The following BRWD3 variants were observed in gnomAD, a reference collection of about 807,000 sequenced individuals.
The protein encoded by BRWD3 is bromodomain and WD repeat-containing protein 3.
In BRWD3, 10 loss-of-function variants were observed where a neutral mutation model predicts 149.7. That is an observed-to-expected ratio of 0.07 (90% confidence interval 0.04 to 0.11). The LOEUF is 0.11. Ranked by LOEUF, BRWD3 falls within the 10% of genes least tolerant of loss-of-function variation. The pLI, the probability that BRWD3 is intolerant of heterozygous loss-of-function variation, is 1.00. For missense variants in BRWD3, 940 were observed against 1,373.2 expected (o/e 0.68, Z 4.99); for synonymous variants, 504 against 456.7 (o/e 1.10, Z -1.32).
At chrX:80,713,305 A>C (rs1157675449) in intron 20 of BRWD3, among the ~76,000 whole-genome samples, 2 of 112,033 alleles carry the variant, frequency 1.8e-5, no homozygotes, top group African/African-American at 6.5e-5. Context: ...TCTGTGTAGA[A>C]AGAAGTAGAC....
chrX:80,733,647 AG>A (rs1447005392), intron 11 of BRWD3, 151 bp from the exon 12 acceptor site: 1 of 450,374 alleles, frequency 2.2e-6, no homozygotes, highest in Non-Finnish European at 3.8e-6. Flanking sequence ...CTAACTATTG[AG>A]GAATACCTAT....
intron 6 of BRWD3, among the ~76,000 whole-genome samples, chrX:80,746,372 C>G (rs2073593197): frequency 9.0e-6 from 1 of 110,533 alleles, no homozygotes; most frequent in African/African-American, 3.3e-5. Flanking sequence ...CCTATGAAGT[C>G]ATTTTAAGTC....
At position 80,693,392 on chromosome X, in the gene BRWD3, C is replaced by T. The variant is rs373201455; in HGVS notation, c.3152-341G>A. 3.5e-4 allele frequency among the ~76,000 whole-genome samples: 39 copies of T among 112,055 alleles called. No individual in the cohort carries two copies. In the South Asian group the frequency reaches 0.013, roughly 37 times the overall value. On this transcript the variant is annotated intron_variant, in intron 27 of 40. Coordinates refer to ENST00000373275, the MANE Select transcript of BRWD3 (RefSeq NM_153252.5). ...AAATGCAGTTGATTCTTCTATCTTGCTTTTAGCTTTCTTTAAAAATCTCTT... is the reference window on the plus strand; with the variant it reads ...AAATGCAGTTGATTCTTCTATCTTGTTTTTAGCTTTCTTTAAAAATCTCTT...
At chrX:80,712,729 G>C (rs1229051816) in intron 20 of BRWD3, among the ~76,000 whole-genome samples, 3 of 107,266 alleles carry the variant, frequency 2.8e-5, no homozygotes, top group Non-Finnish European at 5.8e-5. Context: ...GCCGCCCATC[G>C]TCTGAGATGT....
chrX:80,729,655 T>C (rs1027231022), intron 13 of BRWD3, among the ~76,000 whole-genome samples: 1 of 111,316 alleles, frequency 9.0e-6, no homozygotes, highest in Admixed American at 9.5e-5. Context: ...AGGCAGAGAA[T>C]GGCTCTGTAG....
intron 24 of BRWD3, 127 bp downstream of exon 24, chrX:80,703,353 T>C: frequency 2.2e-6 from 1 of 446,776 alleles, no homozygotes; most frequent in South Asian, 4.4e-5. Context: ...AAATATATAA[T>C]TGAGCAGAGC....
At chrX:80,807,705 G>A (rs1330968351) in intron 4 of BRWD3, among the ~76,000 whole-genome samples, 3 of 111,790 alleles carry the variant, frequency 2.7e-5, no homozygotes, top group African/African-American at 9.8e-5. Flanking sequence ...TATATTTGCA[G>A]GAGAAACAAC....
intron 4 of BRWD3, among the ~76,000 whole-genome samples, chrX:80,797,062 T>G (rs1299381700): frequency 3.6e-5 from 4 of 111,410 alleles, no homozygotes; most frequent in African/African-American, 1.3e-4. Flanking sequence ...ATCTACAGAG[T>G]GATATCCTAA....
chrX:80,792,422 C>A (rs944281908), intron 5 of BRWD3, among the ~76,000 whole-genome samples: 3 of 112,051 alleles, frequency 2.7e-5, no homozygotes, highest in African/African-American at 9.7e-5. Context: ...CAGATAACAG[C>A]ACTGCATATC....
rs1029959658 is a variant in BRWD3, at chrX:80,676,447, G to A, written c.*162C>T. On this transcript the variant is annotated 3_prime_UTR_variant, in exon 41 of 41. Transcript: ENST00000373275. ...GGCTTATTTGAACAAATGAAGTGTG[G>A]AGATCAAAAGTCTTGAAACAAATGT... is the stretch of plus-strand genomic sequence containing the variant. The A allele has an allele frequency of 1.6e-6, 1 of 627,976 alleles. No individual in the cohort carries two copies. Among genetic ancestry groups the A allele is most frequent in the African/African-American group, 2.3e-5 (1 of 43,738 alleles). The allele number at this position is 627,976 out of a possible 1,213,427, so 51.8% of individuals were successfully genotyped here.
chrX:80,721,746 G>T (rs1307295435), intron 17 of BRWD3, among the ~76,000 whole-genome samples: 1 of 111,868 alleles, frequency 8.9e-6, no homozygotes, highest in Non-Finnish European at 1.9e-5. Flanking sequence ...CCAAGACTGA[G>T]TGTTATTTAA....
At chrX:80,687,183 A>G (rs1452314851) in intron 34 of BRWD3, among the ~76,000 whole-genome samples, 180 bp from the exon 35 acceptor site, 1 of 110,224 alleles carries the variant, frequency 9.1e-6, no homozygotes, top group Non-Finnish European at 1.9e-5. Flanking sequence ...GGCAAAAATA[A>G]TTAGTGAGCA....
At chrX:80,806,430 C>CA (rs2074348792) in intron 4 of BRWD3, among the ~76,000 whole-genome samples, 1 of 111,235 alleles carries the variant, frequency 9.0e-6, no homozygotes, top group African/African-American at 3.3e-5. Context: ...TGATTTAAAG[C>CA]TATTAAAAAA....
chrX:80,725,916 C>T (rs777270318), intron 14 of BRWD3, among the ~76,000 whole-genome samples: 4 of 109,944 alleles, frequency 3.6e-5, no homozygotes, highest in East Asian at 5.8e-4. Context: ...ATGTTACATG[C>T]CTATATGACA....
At chrX:80,771,277 G>A (rs1415364089) in intron 6 of BRWD3, among the ~76,000 whole-genome samples, 1 of 111,542 alleles carries the variant, frequency 9.0e-6, no homozygotes, top group Non-Finnish European at 1.9e-5. Flanking sequence ...AACCAAAAAA[G>A]AGCCCGCAAT....
At position 80,692,102 on chromosome X, in the gene BRWD3, T is replaced by C; in HGVS notation, c.3312A>G (p.Pro1104=). The change falls in exon 29 of 41, where the codon CCA becomes CCG. Residue 1104 remains proline, a synonymous_variant. Coordinates refer to ENST00000373275, the MANE Select transcript of BRWD3 (RefSeq NM_153252.5). The part of the protein sequence containing the change: ...REKMSPWDME[P]IPEGTAFPDE... ...AAGCATATTTACTTCCTTCTGGAAT[T>C]GGCTCCATATCCCATGGGCTCATCT... 8.3e-7 allele frequency: 1 copy of C among 1,206,056 alleles called. No individual in the cohort carries two copies. Among genetic ancestry groups the C allele is most frequent in the African/African-American group, 1.7e-5 (1 of 57,783 alleles).
chrX:80,692,187 A>G (rs2072622194), intron 28 of BRWD3, 37 bp from the exon 29 acceptor site: 1 of 1,121,670 alleles, frequency 8.9e-7, no homozygotes, highest in East Asian at 3.0e-5. Context: ...CAAATTAATC[A>G]TATAGTACTT....
chrX:80,728,979 A>T, intron 13 of BRWD3, 74 bp from the exon 14 acceptor site: 1 of 918,109 alleles, frequency 1.1e-6, no homozygotes, highest in Non-Finnish European at 1.6e-6. Context: ...GCAAATTATG[A>T]CAAAATTTCT....
chrX:80,808,765 G>A (rs1223114558), intron 3 of BRWD3, among the ~76,000 whole-genome samples, 167 bp from the exon 4 acceptor site: 2 of 95,456 alleles, frequency 2.1e-5, no homozygotes, highest in African/African-American at 3.7e-5. Flanking sequence ...GTATATGGGG[G>A]GGGGGGGGAA....
Sources: gnomAD v4.1 joint callset for allele counts (sites outside exome capture counted in the v4.1 genomes callset) on GRCh38, gnomAD v4.1.1 for gene constraint, MANE v1.5 for transcripts, NCBI Gene and HGNC (gene_info 2026-07-23, HGNC 2026-07-21) for gene names.